COL25A1: variants seen among roughly 807,000 people sequenced by gnomAD.
The protein encoded by COL25A1 is collagen type XXV alpha 1 chain, also known as collagen alpha-1(XXV) chain.
In COL25A1, 103 loss-of-function variants were observed where a neutral mutation model predicts 128.4. The ratio of observed to expected loss-of-function variants is 0.80; its 90% confidence interval spans 0.68 to 0.94. COL25A1 has a LOEUF of 0.94. Among genes scored for constraint, COL25A1 ranks in the 40% least tolerant of loss-of-function variants. The pLI is 0.00. For synonymous variants in COL25A1, 279 were observed against 277.2 expected, an observed-to-expected ratio of 1.01 and a Z score of -0.06; for missense variants, 745 against 840.0, an observed-to-expected ratio of 0.89 and a Z score of 1.40.
chr4:109,271,217 T>C (rs1782175142), intron 3 of COL25A1, among the ~76,000 whole-genome samples: 1 of 152,214 alleles, frequency 6.6e-6, no homozygotes. Flanking sequence ...GCTGCAAATT[T>C]CCTAGTAATG....
intron 3 of COL25A1, among the ~76,000 whole-genome samples, chr4:109,065,545 C>CGCGCGCGT (rs771855567): frequency 9.2e-5 from 13 of 141,132 alleles, no homozygotes; most frequent in African/African-American, 2.4e-4. Flanking sequence ...CGCGCGCGCG[C>CGCGCGCGT]GTGTGTGTGT....
intron 3 of COL25A1, among the ~76,000 whole-genome samples, chr4:109,272,819 G>GA (rs535751278): frequency 2.8e-3 from 422 of 152,260 alleles, no homozygotes; most frequent in African/African-American, 9.6e-3. Flanking sequence ...GGCAGAGAAT[G>GA]AGAGTGCTGA....
At position 108,827,173 on chromosome 4, in the gene COL25A1, T is replaced by C. The variant is rs781368126; in HGVS notation, c.1726A>G (p.Met576Val). 3 of 1,613,960 alleles carry C rather than the reference T, an allele frequency of 1.9e-6. No homozygotes were observed. Reference protein sequence around the residue: ...PKGERGEKGAMGEPGPRGPYG... With the variant: ...PKGERGEKGAVGEPGPRGPYG... ...GGCCCTCTTGGTCCAGGCTCTCCCA[T>C]AGCTCCTTTTTCACCCTAAAATGAA... is the stretch of plus-strand genomic sequence containing the variant. The change falls in exon 33 of 38, where the codon ATG becomes GTG. Residue 576 changes from methionine to valine, a missense_variant. This residue lies in a region of COL25A1 where 387 missense variants were observed against 441.9 expected (regional missense o/e 0.88). Coordinates refer to ENST00000399132, the MANE Select transcript of COL25A1 (RefSeq NM_198721.4).
chr4:108,997,475 A>T (rs887957276), intron 6 of COL25A1, among the ~76,000 whole-genome samples: 3 of 152,218 alleles, frequency 2.0e-5, no homozygotes, highest in African/African-American at 7.2e-5. Flanking sequence ...AATTGAGACA[A>T]TAATTAATAG....
intron 37 of COL25A1, among the ~76,000 whole-genome samples, chr4:108,815,104 A>T (rs1246085316): frequency 6.6e-6 from 1 of 152,154 alleles, no homozygotes; most frequent in Admixed American, 6.6e-5. Flanking sequence ...TGTGTTGGTA[A>T]ATTTAGAAAA....
rs374745496 is a variant in COL25A1, at chr4:108,977,787, T to C, written c.439-3228A>G. Among the ~76,000 whole-genome samples, 6 of 152,302 alleles carry C rather than the reference T, an allele frequency of 3.9e-5. No homozygotes were observed. The East Asian group carries it at 7.7e-4, about 20-fold the overall frequency. ...GTGTCTAAGGCAAACAGTTTCCACA[T>C]AGTAGCATTAAGAAAAAACGACCTC... On this transcript the variant is annotated intron_variant, in intron 6 of 37. Coordinates refer to ENST00000399132, the MANE Select transcript of COL25A1 (RefSeq NM_198721.4).
At position 108,811,188 on chromosome 4, in the gene COL25A1, C is replaced by T. The variant is rs939537910; in HGVS notation, c.*2739G>A. 1 of 151,992 alleles carries T rather than the reference C, an allele frequency of 6.6e-6. No homozygotes were observed. The highest frequency in any genetic ancestry group is 2.4e-5 in the African/African-American group (1 of 41,426). The allele number at this position is 151,992 out of a possible 1,614,324, so 9.4% of individuals were successfully genotyped here. Reference sequence around the variant, plus strand: ...AATTCTCTATATGACAAAATGGATGCTTGAAAACATTGTAGTAACCAAAAG... The same window carrying T: ...AATTCTCTATATGACAAAATGGATGTTTGAAAACATTGTAGTAACCAAAAG... On this transcript the variant is annotated 3_prime_UTR_variant, in exon 38 of 38. Coordinates refer to ENST00000399132, the MANE Select transcript of COL25A1 (RefSeq NM_198721.4).
At chr4:108,828,752 A>G (rs1159765135) in intron 32 of COL25A1, among the ~76,000 whole-genome samples, 1 of 152,212 alleles carries the variant, frequency 6.6e-6, no homozygotes, top group Non-Finnish European at 1.5e-5. Flanking sequence ...GTAGCCAAAC[A>G]GAAAATCTTA....
intron 3 of COL25A1, among the ~76,000 whole-genome samples, chr4:109,287,228 G>A (rs1317052211): frequency 6.6e-6 from 1 of 152,110 alleles, no homozygotes; most frequent in Admixed American, 6.5e-5. Flanking sequence ...TTCTATTGCA[G>A]TCTTCAGTCT....
At chr4:108,977,566 C>T (rs12508589) in intron 6 of COL25A1, among the ~76,000 whole-genome samples, 19,516 of 152,044 alleles carry the variant, frequency 0.13, 1,940 homozygotes, top group East Asian at 0.4. Context: ...GAGGATATGA[C>T]CAAATTTAAA....
At chr4:109,054,524 A>ATAT (rs1257592400) in intron 3 of COL25A1, among the ~76,000 whole-genome samples, 1 of 152,216 alleles carries the variant, frequency 6.6e-6, no homozygotes, top group Non-Finnish European at 1.5e-5. Context: ...AAGAATAGTA[A>ATAT]GCTTTTTAAA....
In COL25A1 at chr4:108,941,323, T is replaced by A. The variant is rs753383906; in HGVS notation, c.564+43A>T. 2.4e-5 allele frequency: 35 copies of A among 1,487,332 alleles called. No individual in the cohort carries two copies. The East Asian group carries it at 6.3e-4, about 27-fold the overall frequency. 92.1% of individuals were successfully genotyped at this position (1,487,332 alleles called of 1,614,324 possible). A position where few individuals can be genotyped will look rare whatever the true frequency, so the allele number is the denominator to read the frequency against. ...AGCAATAGGTACACAGAGCAATAACTGATGTAAAGAAGAAATCAGACTTCA... is the reference window on the plus strand; with the variant it reads ...AGCAATAGGTACACAGAGCAATAACAGATGTAAAGAAGAAATCAGACTTCA... On this transcript the variant is annotated intron_variant, in intron 9 of 37. Transcript: ENST00000399132.
intron 5 of COL25A1, among the ~76,000 whole-genome samples, chr4:109,037,757 C>G (rs1457010985): frequency 6.6e-6 from 1 of 152,204 alleles, no homozygotes; most frequent in African/African-American, 2.4e-5. Flanking sequence ...CCCTTGCTGA[C>G]AGCTATAAAG....
intron 33 of COL25A1, 37 bp downstream of exon 33, chr4:108,827,098 G>A: frequency 6.3e-7 from 1 of 1,597,244 alleles, no homozygotes; most frequent in Non-Finnish European, 8.6e-7. Flanking sequence ...ATCTATGCAT[G>A]CGGAAGGTGG....
intron 16 of COL25A1, among the ~76,000 whole-genome samples, chr4:108,894,007 A>T (rs1191695052): frequency 6.6e-6 from 1 of 152,152 alleles, no homozygotes; most frequent in Non-Finnish European, 1.5e-5. Flanking sequence ...ATTTCAGCTG[A>T]CTGATAAAAC....
intron 3 of COL25A1, among the ~76,000 whole-genome samples, chr4:109,284,970 G>C (rs566868489): frequency 6.6e-6 from 1 of 151,912 alleles, no homozygotes; most frequent in African/African-American, 2.4e-5. Context: ...AGACCAGCAA[G>C]AAAGTTATTA....
intron 3 of COL25A1, among the ~76,000 whole-genome samples, chr4:109,076,980 C>G (rs953859159): frequency 1.3e-5 from 2 of 152,166 alleles, no homozygotes; most frequent in East Asian, 3.9e-4. Flanking sequence ...TGCTCACCTC[C>G]TTTGCTGTGA....
intron 33 of COL25A1, among the ~76,000 whole-genome samples, chr4:108,826,199 T>C (rs1309432001): frequency 1.3e-5 from 2 of 152,204 alleles, no homozygotes; most frequent in Non-Finnish European, 2.9e-5. Flanking sequence ...CCCAAGATGA[T>C]ATTTTTAAAG....
intron 3 of COL25A1, among the ~76,000 whole-genome samples, chr4:109,080,623 A>G (rs1049922802): frequency 6.6e-6 from 1 of 152,180 alleles, no homozygotes; most frequent in Non-Finnish European, 1.5e-5. Flanking sequence ...GATATTTTTT[A>G]TGTAATTATC....
Sources: allele counts gnomAD v4.1 joint callset (sites outside exome capture counted in the v4.1 genomes callset), GRCh38; gene constraint gnomAD v4.1.1; regional missense constraint gnomAD v4.1.1; transcripts MANE v1.5; gene names NCBI Gene and HGNC (gene_info 2026-07-23, HGNC 2026-07-21).